The following CA10 variants were observed in gnomAD, a reference collection of about 807,000 sequenced individuals.
The protein encoded by CA10 is carbonic anhydrase-related protein 10.
Under a neutral mutation model 44.2 loss-of-function variants are expected in CA10, and 14 were observed. That is an observed-to-expected ratio of 0.32 (90% CI 0.21 to 0.50). The LOEUF is 0.50. Among genes scored for constraint, CA10 ranks in the 20% least tolerant of loss-of-function variants. The pLI is 0.99. For synonymous variants in CA10, 159 were observed against 141.6 expected (o/e 1.12, Z -0.87); for missense variants, 350 against 409.7 (o/e 0.85, Z 1.26).
At chr17:52,065,925 C>A (rs905423673) in intron 2 of CA10, among the ~76,000 whole-genome samples, 1 of 152,156 alleles carries the variant, frequency 6.6e-6, no homozygotes, top group Non-Finnish European at 1.5e-5. Context: ...CCATGCAGTT[C>A]TCTTGACAGT....
chr17:52,085,548 G>A (rs10853120), intron 1 of CA10, among the ~76,000 whole-genome samples: 9,687 of 152,220 alleles, frequency 0.064, 323 homozygotes, highest in South Asian at 0.12. Flanking sequence ...ATGTGCAAGT[G>A]TTCCAATGAA....
chr17:52,014,032 G>T (rs887801399), intron 2 of CA10, among the ~76,000 whole-genome samples: 2 of 151,896 alleles, frequency 1.3e-5, no homozygotes, highest in African/African-American at 4.8e-5. Context: ...AAATATGATA[G>T]AAAGTGGTGG....
At chr17:51,780,743 ATCT>A (rs1906025181) in intron 3 of CA10, among the ~76,000 whole-genome samples, 1 of 152,222 alleles carries the variant, frequency 6.6e-6, no homozygotes, top group Non-Finnish European at 1.5e-5. Flanking sequence ...CAAAAGTCAA[ATCT>A]TATTATGTCC....
intron 3 of CA10, among the ~76,000 whole-genome samples, chr17:51,878,577 C>T (rs1321403824): frequency 6.6e-6 from 1 of 151,752 alleles, no homozygotes; most frequent in African/African-American, 2.4e-5. Context: ...TCTGTAGGCA[C>T]CAGGGTTCAT....
chr17:52,048,648 G>T (rs942122069), intron 2 of CA10, among the ~76,000 whole-genome samples: 1 of 152,024 alleles, frequency 6.6e-6, no homozygotes, highest in African/African-American at 2.4e-5. Context: ...AGCCCTCAGG[G>T]TGGGGTAGAG....
chr17:52,133,303 T>C (rs1956723787), intron 1 of CA10, among the ~76,000 whole-genome samples: 1 of 152,162 alleles, frequency 6.6e-6, no homozygotes, highest in Non-Finnish European at 1.5e-5. Flanking sequence ...GGAGCTTCAA[T>C]TCACACAGCA....
intron 2 of CA10, among the ~76,000 whole-genome samples, chr17:51,935,046 G>A (rs2144003684): frequency 6.6e-6 from 1 of 152,236 alleles, no homozygotes; most frequent in East Asian, 1.9e-4. Flanking sequence ...AAGATTTAGA[G>A]TGAGAAACTT....
chr17:52,124,492 TAA>T (rs1332076336), intron 1 of CA10, among the ~76,000 whole-genome samples: 2 of 152,220 alleles, frequency 1.3e-5, no homozygotes, highest in Non-Finnish European at 1.5e-5. Flanking sequence ...ATGAATGATA[TAA>T]GTCATGTAAG....
At chr17:51,997,483 A>G (rs764469132) in intron 2 of CA10, among the ~76,000 whole-genome samples, 4 of 152,092 alleles carry the variant, frequency 2.6e-5, no homozygotes, top group Non-Finnish European at 5.9e-5. Context: ...ATGAAAATCT[A>G]CTTCTATCAG....
chr17:51,998,530 T>C (rs1386048591), intron 2 of CA10, among the ~76,000 whole-genome samples: 1 of 152,092 alleles, frequency 6.6e-6, no homozygotes, highest in East Asian at 1.9e-4. Flanking sequence ...ATTTCTCTTC[T>C]CATTTTCCTT....
At chr17:51,737,167 C>G (rs1275696248) in intron 4 of CA10, among the ~76,000 whole-genome samples, 1 of 152,150 alleles carries the variant, frequency 6.6e-6, no homozygotes, top group Non-Finnish European at 1.5e-5. Flanking sequence ...GGGTTCTCTT[C>G]CCTGGACCAA....
chr17:51,852,191 A>G (rs1036667609), intron 3 of CA10, among the ~76,000 whole-genome samples: 3 of 152,152 alleles, frequency 2.0e-5, no homozygotes, highest in African/African-American at 7.2e-5. Context: ...TGCAACATTC[A>G]TTTGTTTGCA....
At chr17:52,059,496 A>C (rs1598192475) in intron 2 of CA10, among the ~76,000 whole-genome samples, 1 of 152,068 alleles carries the variant, frequency 6.6e-6, no homozygotes. Context: ...GGCACAAAAT[A>C]CTGGTGTGCT....
chr17:51,812,969 G>T (rs1377120992), intron 3 of CA10, among the ~76,000 whole-genome samples: 2 of 152,012 alleles, frequency 1.3e-5, no homozygotes, highest in Non-Finnish European at 2.9e-5. Context: ...TTTATGTCAG[G>T]GTCTGTTTAG....
At chr17:51,868,550 A>C (rs778141196) in intron 3 of CA10, among the ~76,000 whole-genome samples, 2 of 152,158 alleles carry the variant, frequency 1.3e-5, no homozygotes, top group Non-Finnish European at 2.9e-5. Context: ...ACTTTTGTTG[A>C]TATGTCTCCT....
intron 2 of CA10, among the ~76,000 whole-genome samples, chr17:52,055,122 C>T (rs542904845): frequency 2.0e-5 from 3 of 151,954 alleles, no homozygotes; most frequent in Middle Eastern, 3.4e-3. Flanking sequence ...CCAGTAAGGC[C>T]TGGTCTGGTA....
intron 3 of CA10, among the ~76,000 whole-genome samples, chr17:51,871,485 C>G (rs1979812833): frequency 6.7e-6 from 1 of 149,994 alleles, no homozygotes; most frequent in African/African-American, 2.5e-5. Context: ...GGTGATCCAC[C>G]TGCCTTGGCC....
At chr17:51,962,594 G>A (rs1162810277) in intron 2 of CA10, among the ~76,000 whole-genome samples, 1 of 152,172 alleles carries the variant, frequency 6.6e-6, no homozygotes, top group African/African-American at 2.4e-5. Flanking sequence ...TGGCTTGTAA[G>A]TCAAACCACA....
chr17:51,916,671 T>G (rs1228953731), intron 3 of CA10, among the ~76,000 whole-genome samples: 2 of 152,104 alleles, frequency 1.3e-5, no homozygotes, highest in African/African-American at 4.8e-5. Flanking sequence ...TACCCAGCCT[T>G]GGGTATATCT....
Sources: allele counts gnomAD v4.1 joint callset (sites outside exome capture counted in the v4.1 genomes callset), GRCh38; gene constraint gnomAD v4.1.1; transcripts MANE v1.5; gene names NCBI Gene and HGNC (gene_info 2026-07-23, HGNC 2026-07-21).